The following CALN1 variants were observed in gnomAD, a reference collection of about 807,000 sequenced individuals.
CALN1 encodes the protein calcium-binding protein 8.
In CALN1, 17 loss-of-function variants were observed where a neutral mutation model predicts 30.6. The ratio of observed to expected loss-of-function variants is 0.56; its 90% CI spans 0.38 to 0.83. The LOEUF is 0.83. Ranked by LOEUF, CALN1 falls within the 40% of genes least tolerant of loss-of-function variation. The pLI, the probability that CALN1 is intolerant of heterozygous loss-of-function variation, is 0.00. For synonymous variants in CALN1, 156 were observed against 131.4 expected (o/e 1.19, Z -1.28); for missense variants, 291 against 354.9 (o/e 0.82, Z 1.45).
intron 1 of CALN1, among the ~76,000 whole-genome samples, chr7:72,434,348 C>CAAAAAAAAA (rs542641679): frequency 1.9e-5 from 2 of 105,244 alleles, no homozygotes; most frequent in African/African-American, 3.5e-5. Flanking sequence ...ACTAAAATAC[C>CAAAAAAAAA]AAAAAAAAAA....
chr7:72,064,819 G>A (rs901641181), intron 4 of CALN1, among the ~76,000 whole-genome samples: 4 of 151,676 alleles, frequency 2.6e-5, no homozygotes, highest in Non-Finnish European at 5.9e-5. Flanking sequence ...TTCAGATAAG[G>A]GACACTCAAC....
intron 4 of CALN1, among the ~76,000 whole-genome samples, chr7:72,074,798 T>A (rs1191991700): frequency 6.6e-6 from 1 of 152,150 alleles, no homozygotes; most frequent in Non-Finnish European, 1.5e-5. Context: ...CTTACTCCAC[T>A]AATCAACAAA....
At chr7:72,280,506 T>G (rs1296636321) in intron 2 of CALN1, among the ~76,000 whole-genome samples, 1 of 152,232 alleles carries the variant, frequency 6.6e-6, no homozygotes, top group Non-Finnish European at 1.5e-5. Context: ...AGAATCTTTC[T>G]CTAGAAGAAC....
At chr7:71,893,167 G>C (rs1793342001) in intron 5 of CALN1, among the ~76,000 whole-genome samples, 1 of 152,138 alleles carries the variant, frequency 6.6e-6, no homozygotes, top group African/African-American at 2.4e-5. Flanking sequence ...CACCCTCAGG[G>C]GACATTTAGC....
the CALN1 span, among the ~76,000 whole-genome samples, chr7:72,460,587 A>G: frequency 4.7e-4 from 72 of 152,216 alleles, no homozygotes; most frequent in African/African-American, 1.6e-3. Flanking sequence ...AGCCAAGATC[A>G]CATGACTGCA....
At chr7:71,940,737 G>A (rs1202757420) in intron 5 of CALN1, among the ~76,000 whole-genome samples, 3 of 151,884 alleles carry the variant, frequency 2.0e-5, no homozygotes, top group South Asian at 2.1e-4. Context: ...TCAGCCTCCC[G>A]AGTAGCTGAA....
chr7:71,818,753 A>G (rs1788418994), intron 5 of CALN1, among the ~76,000 whole-genome samples: 1 of 151,536 alleles, frequency 6.6e-6, no homozygotes. Context: ...TCTGTCACCC[A>G]GGCTGGAGTG....
At chr7:72,127,785 C>T (rs1808869787) in intron 3 of CALN1, among the ~76,000 whole-genome samples, 1 of 151,958 alleles carries the variant, frequency 6.6e-6, no homozygotes, top group Non-Finnish European at 1.5e-5. Context: ...TACAATTGAA[C>T]AGTAACTAAT....
At chr7:72,496,428 A>G in the CALN1 span, among the ~76,000 whole-genome samples, 2 of 152,248 alleles carry the variant, frequency 1.3e-5, no homozygotes, top group African/African-American at 4.8e-5. Context: ...AAATATTAAA[A>G]CAACTATATC....
intron 5 of CALN1, among the ~76,000 whole-genome samples, chr7:71,973,364 C>T (rs1797945345): frequency 6.6e-6 from 1 of 152,018 alleles, no homozygotes; most frequent in South Asian, 2.1e-4. Context: ...TTAGTAGAGA[C>T]GGGGTTTTGC....
Position 71,843,752 on chromosome 7 carries a change from CTTA to C in CALN1, c.502-33263_502-33261del, listed in dbSNP as rs554964374. Among the ~76,000 whole-genome samples the C allele has an allele frequency of 4.7e-4, 71 of 152,280 alleles. No homozygotes were observed. The South Asian group carries it at 0.012, about 25-fold the overall frequency. Reference sequence around the variant, plus strand: ...ATTAATACATTATACTTACACCATACTTATTATGCTCATGGGCACGCATGAGGT... The same window carrying C: ...ATTAATACATTATACTTACACCATACTTATGCTCATGGGCACGCATGAGGT... On this transcript the variant is annotated intron_variant, in intron 5 of 6. Coordinates refer to ENST00000395275, the MANE Select transcript of CALN1 (RefSeq NM_031468.4).
chr7:71,854,295 G>A (rs897933054), intron 5 of CALN1, among the ~76,000 whole-genome samples: 4 of 151,684 alleles, frequency 2.6e-5, no homozygotes, highest in African/African-American at 9.7e-5. Context: ...CTAAGACCAT[G>A]CCACTGCATT....
At chr7:72,476,633 C>T in the CALN1 span, among the ~76,000 whole-genome samples, 3 of 152,158 alleles carry the variant, frequency 2.0e-5, no homozygotes, top group Admixed American at 6.5e-5. Flanking sequence ...CTGGGGCCTT[C>T]GTAAAACCAA....
At chr7:72,436,785 G>A (rs530354803) in intron 1 of CALN1, among the ~76,000 whole-genome samples, 6 of 152,304 alleles carry the variant, frequency 3.9e-5, no homozygotes, top group Admixed American at 3.9e-4. Flanking sequence ...TGTTGATGCT[G>A]CAAATTCTCA....
rs545652528 is a variant in CALN1, at chr7:72,381,636, C to T, written c.119+21615G>A. ...AACACCCCGTGTTCTCACTCATAAG[C>T]GGGAGCTGAATAATGAGAACGTATG... is the stretch of plus-strand genomic sequence containing the variant. On this transcript the variant is annotated intron_variant, in intron 2 of 6. Transcript: ENST00000395275. Among the ~76,000 whole-genome samples the T allele has an allele frequency of 9.2e-5, 14 of 152,128 alleles. No homozygotes were observed. In the East Asian group the frequency reaches 2.3e-3, roughly 25 times the overall value.
intron 3 of CALN1, among the ~76,000 whole-genome samples, chr7:72,184,900 C>G (rs1453173661): frequency 6.6e-6 from 1 of 152,016 alleles, no homozygotes; most frequent in African/African-American, 2.4e-5. Flanking sequence ...TCAAGTGATC[C>G]CCCATCTCAG....
chr7:72,175,685 G>C (rs1585095055), intron 3 of CALN1, among the ~76,000 whole-genome samples: 1 of 152,188 alleles, frequency 6.6e-6, no homozygotes, highest in African/African-American at 2.4e-5. Context: ...AGGCAGACCA[G>C]GGCTTTGGAG....
chr7:72,085,909 A>G (rs1051409947), intron 4 of CALN1, among the ~76,000 whole-genome samples: 37 of 152,308 alleles, frequency 2.4e-4, no homozygotes, highest in African/African-American at 8.9e-4. Context: ...CTTCCCTCCA[A>G]AAATTGACCT....
At chr7:72,458,319 T>G in the CALN1 span, among the ~76,000 whole-genome samples, 17 of 8,604 alleles carry the variant, frequency 2.0e-3, no homozygotes, top group South Asian at 0.01. Context: ...ATATATTTTA[T>G]AATATATTCT....
Sources: allele counts gnomAD v4.1 joint callset (sites outside exome capture counted in the v4.1 genomes callset), GRCh38; gene constraint gnomAD v4.1.1; transcripts MANE v1.5; gene names NCBI Gene and HGNC (gene_info 2026-07-23, HGNC 2026-07-21).